SPTAN1: variants seen among roughly 807,000 people sequenced by gnomAD.
The protein encoded by SPTAN1 is spectrin alpha, non-erythrocytic 1, also known as spectrin alpha chain, non-erythrocytic 1.
In SPTAN1, 61 loss-of-function variants were observed where a neutral mutation model predicts 331.3. The observed-to-expected ratio is 0.18, with a 90% CI of 0.15 to 0.23. The LOEUF (loss-of-function observed/expected upper bound fraction) is 0.23, where lower values mean the gene tolerates loss of function less well. SPTAN1 is among the 10% of genes least tolerant of loss of function. The pLI, the probability that SPTAN1 is intolerant of heterozygous loss-of-function variation, is 1.00. For missense variants in SPTAN1, 2,043 were observed against 3,147.9 expected, an observed-to-expected ratio of 0.65 and a Z score of 8.40; for synonymous variants, 1,153 against 1,173.9, an observed-to-expected ratio of 0.98 and a Z score of 0.36.
At chr9:128,585,104 T>C (rs746720655) in intron 18 of SPTAN1, among the ~76,000 whole-genome samples, 58 of 151,816 alleles carry the variant, frequency 3.8e-4, no homozygotes, top group Non-Finnish European at 7.1e-4. Context: ...AACCTCTGCT[T>C]CCCTAGTTCA....
chr9:128,617,940 C>T (rs1394839592), intron 42 of SPTAN1, 47 bp from the exon 43 acceptor site: 2 of 1,614,062 alleles, frequency 1.2e-6, no homozygotes, highest in Non-Finnish European at 1.7e-6. Context: ...GAGACAGAAG[C>T]ACCAGAAGAG....
At chr9:128,614,221 G>C (rs762641891) in intron 40 of SPTAN1, among the ~76,000 whole-genome samples, 1 of 152,094 alleles carries the variant, frequency 6.6e-6, no homozygotes, top group Non-Finnish European at 1.5e-5. Flanking sequence ...TTGGGAGGCC[G>C]AGGCAGGCAG....
In SPTAN1 at chr9:128,633,631, TA is replaced by T. The variant is rs1860202283; in HGVS notation, c.*301del. ...ACCCTCCCCCAAATCTGTTTTCATG[TA>T]AAAGACAAATAAATGATGACTTCCC... On this transcript the variant is annotated 3_prime_UTR_variant, in exon 57 of 57. Transcript: ENST00000372739. 3 of 1,331,138 alleles carry T rather than the reference TA, an allele frequency of 2.3e-6. No homozygotes were observed. The highest frequency in any genetic ancestry group is 3.1e-6 in the Non-Finnish European group (3 of 968,196). The allele number at this position is 1,331,138 out of a possible 1,614,324, so 82.5% of individuals were successfully genotyped here.
intron 48 of SPTAN1, 65 bp downstream of exon 48, chr9:128,626,043 C>T: frequency 1.3e-6 from 2 of 1,568,600 alleles, no homozygotes; most frequent in Non-Finnish European, 1.7e-6. Flanking sequence ...CACCTTCTGT[C>T]TGCCCAGCTC....
chr9:128,604,228 C>G, intron 28 of SPTAN1, 98 bp from the exon 29 acceptor site: 1 of 1,185,100 alleles, frequency 8.4e-7, no homozygotes, highest in Admixed American at 1.9e-5. Context: ...TTATATATGC[C>G]CTAGCATCTC....
rs566771857 is a variant in SPTAN1, at chr9:128,599,056, C to T, written c.3543+70C>T. 2.3e-5 allele frequency: 33 copies of T among 1,459,270 alleles called. No individual in the cohort carries two copies. The Admixed American group carries it at 4.3e-4, about 19-fold the overall frequency. 90.4% of individuals were successfully genotyped at this position (1,459,270 alleles called of 1,614,324 possible). A position where few individuals can be genotyped will look rare whatever the true frequency, so the allele number is the denominator to read the frequency against. On this transcript the variant is annotated intron_variant, in intron 26 of 56. Coordinates refer to ENST00000372739, the MANE Select transcript of SPTAN1 (RefSeq NM_001130438.3). ...TTAAATCTTGGGAAGAATATCAAGCCAAGAACTTCTTCATCAGAATTGCTG... is the reference window on the plus strand; with the variant it reads ...TTAAATCTTGGGAAGAATATCAAGCTAAGAACTTCTTCATCAGAATTGCTG...
At chr9:128,597,341 G>C (rs1460070504) in intron 24 of SPTAN1, among the ~76,000 whole-genome samples, 1 of 152,038 alleles carries the variant, frequency 6.6e-6, no homozygotes, top group Non-Finnish European at 1.5e-5. Context: ...AAACCAAAAA[G>C]AGGTTTTAAA....
chr9:128,578,661 T>C (rs1301173636), intron 9 of SPTAN1, among the ~76,000 whole-genome samples: 1 of 151,992 alleles, frequency 6.6e-6, no homozygotes, highest in Non-Finnish European at 1.5e-5. Flanking sequence ...AAACCCCATC[T>C]CTACTAAAAA....
At chr9:128,578,800 G>A (rs1490112833) in intron 9 of SPTAN1, among the ~76,000 whole-genome samples, 4 of 143,338 alleles carry the variant, frequency 2.8e-5, no homozygotes, top group African/African-American at 1.0e-4. Context: ...TTCCACTCCC[G>A]TCCGGACAAC....
chr9:128,601,769 G>A (rs1855183737), intron 27 of SPTAN1, among the ~76,000 whole-genome samples: 1 of 152,170 alleles, frequency 6.6e-6, no homozygotes, highest in Non-Finnish European at 1.5e-5. Context: ...AACCCGCTCA[G>A]TCACCTTGTC....
intron 20 of SPTAN1, among the ~76,000 whole-genome samples, chr9:128,588,139 T>TG (rs1482971621): frequency 6.8e-6 from 1 of 147,706 alleles, no homozygotes; most frequent in African/African-American, 2.5e-5. Context: ...CTGGGATTAC[T>TG]GGCGCCCGCC....
At chr9:128,592,036 C>CT (rs1853605767) in intron 22 of SPTAN1, among the ~76,000 whole-genome samples, 1 of 152,186 alleles carries the variant, frequency 6.6e-6, no homozygotes, top group East Asian at 1.9e-4. Context: ...GCTCTGTCCT[C>CT]TTTCCTCTAG....
chr9:128,632,573 C>T lies in SPTAN1; in HGVS notation c.7015C>T (p.His2339Tyr), dbSNP rs757045012. The T allele has an allele frequency of 2.5e-6, 4 of 1,614,112 alleles. No homozygotes were observed. Among genetic ancestry groups the T allele is most frequent in the South Asian group, 2.2e-5 (2 of 91,090 alleles). ...ALKEFSMMFK[H>Y]FDKDKSGRLN... ...GCCGCCCTCGGCTTTGTGCTGCAGA[C>T]ACTTTGACAAGGACAAGTCTGGCAG... The change falls in exon 55 of 57, where the codon CAC becomes TAC. Residue 2339 changes from histidine to tyrosine, a missense_variant and splice_region_variant. Transcript: ENST00000372739.
At chr9:128,621,065 G>T in intron 44 of SPTAN1, 93 bp from the exon 45 acceptor site, 2 of 980,918 alleles carry the variant, frequency 2.0e-6, no homozygotes, top group South Asian at 1.3e-5. Context: ...CATGGACAGG[G>T]ACCATAGCAG....
At position 128,609,268 on chromosome 9, in the gene SPTAN1, A is replaced by T; in HGVS notation, c.4742A>T (p.Asp1581Val). 3 of 1,614,238 alleles carry T rather than the reference A, an allele frequency of 1.9e-6. No individual in the cohort carries two copies. Among genetic ancestry groups the T allele is most frequent in the Non-Finnish European group, 2.5e-6 (3 of 1,180,042 alleles). ...LQTASDESYKDPTNIQLSKLL... is the reference protein window; with the variant it reads ...LQTASDESYKVPTNIQLSKLL... Reference sequence around the variant, plus strand: ...ACAGCGAGTGATGAGTCGTACAAGGATCCCACCAACATCCAGGTAAGCTGA... The same window carrying T: ...ACAGCGAGTGATGAGTCGTACAAGGTTCCCACCAACATCCAGGTAAGCTGA... Residue 1581 changes from aspartate to valine, a missense_variant, in exon 36 of 57, where the codon GAT becomes GTT. Asp to Val is a radical substitution (Grantham distance 152). Around this residue, in one of 12 missense-constraint regions of SPTAN1, gnomAD observed 323 missense variants for 581.1 expected, o/e 0.56. Coordinates refer to ENST00000372739, the MANE Select transcript of SPTAN1 (RefSeq NM_001130438.3).
intron 34 of SPTAN1, among the ~76,000 whole-genome samples, chr9:128,608,510 G>C (rs111807264): frequency 1.1e-4 from 17 of 152,230 alleles, no homozygotes; most frequent in African/African-American, 4.1e-4. Flanking sequence ...TGTGTGGGTA[G>C]GTAAGGGAAT....
intron 45 of SPTAN1, among the ~76,000 whole-genome samples, chr9:128,623,319 C>T (rs1858193098): frequency 6.6e-6 from 1 of 151,842 alleles, no homozygotes; most frequent in Non-Finnish European, 1.5e-5. Context: ...AAGTGATTCT[C>T]TCGCCTTGTG....
At chr9:128,598,083 G>A (rs1854555023) in intron 24 of SPTAN1, among the ~76,000 whole-genome samples, 1 of 152,166 alleles carries the variant, frequency 6.6e-6, no homozygotes, top group Admixed American at 6.5e-5. Flanking sequence ...CGAGTAGCTG[G>A]GATTACAGGC....
chr9:128,607,577 C>G, intron 31 of SPTAN1, 27 bp from the exon 32 acceptor site: 1 of 1,574,994 alleles, frequency 6.3e-7, no homozygotes, highest in Non-Finnish European at 8.7e-7. Context: ...AATATAATAG[C>G]TATTTTTCTG....
Sources: gnomAD v4.1 joint callset for allele counts (sites outside exome capture counted in the v4.1 genomes callset) on GRCh38, gnomAD v4.1.1 for gene constraint, gnomAD v4.1.1 regional missense constraint, MANE v1.5 for transcripts, NCBI Gene and HGNC (gene_info 2026-07-23, HGNC 2026-07-21) for gene names.